The following FSHR variants were observed in gnomAD, a reference collection of about 807,000 sequenced individuals.
The protein encoded by FSHR is follicle stimulating hormone receptor.
Under a neutral mutation model 52.1 loss-of-function variants are expected in FSHR, and 46 were observed. That is an observed-to-expected ratio of 0.88 (90% CI 0.70 to 1.13). The LOEUF is 1.13. FSHR is among the 50% of genes most tolerant of loss of function. FSHR has a pLI of 0.00. For synonymous variants in FSHR, 399 were observed against 309.6 expected (o/e 1.29, Z -3.03); for missense variants, 964 against 834.6 (o/e 1.16, Z -1.91).
intron 2 of FSHR, among the ~76,000 whole-genome samples, chr2:49,030,354 C>A (rs1239541949): frequency 6.6e-6 from 1 of 151,566 alleles, no homozygotes; most frequent in African/African-American, 2.4e-5. Context: ...CACCACAGAG[C>A]ACCCCAAAAC....
At chr2:49,024,561 T>C (rs1012210232) in intron 2 of FSHR, among the ~76,000 whole-genome samples, 8 of 152,164 alleles carry the variant, frequency 5.3e-5, no homozygotes, top group East Asian at 1.9e-4. Flanking sequence ...GTAAATAATA[T>C]ATCCCTGAAA....
At chr2:49,095,568 A>C (rs1324993425) in intron 1 of FSHR, among the ~76,000 whole-genome samples, 1 of 152,210 alleles carries the variant, frequency 6.6e-6, no homozygotes, top group Non-Finnish European at 1.5e-5. Context: ...TGGATTAGTC[A>C]ATTGTTTCTT....
rs1667221688 is a variant in FSHR at position 49,010,301 on chromosome 2, T to C, written c.374+7188A>G. On this transcript the variant is annotated intron_variant, in intron 4 of 9. Coordinates refer to ENST00000406846, the MANE Select transcript of FSHR (RefSeq NM_000145.4). ...TTGAGATAATCATGTGGTTTTTGTC[T>C]TTGGCTCTGTTTATATGCTGGATTA... is the stretch of plus-strand genomic sequence containing the variant. Among the ~76,000 whole-genome samples the C allele has an allele frequency of 2.1e-5, 3 of 144,598 alleles. No individual in the cohort carries two copies. In the Admixed American group the frequency reaches 2.1e-4, roughly 10 times the overall value. The allele number at this position is 144,598 out of a possible 152,430, so 94.9% of individuals were successfully genotyped here.
Position 49,000,240 on chromosome 2 carries a change from T to C in FSHR, c.375-9603A>G, listed in dbSNP as rs929266403. Among the ~76,000 whole-genome samples, 5 of 152,106 alleles carry C rather than the reference T, an allele frequency of 3.3e-5. No individual in the cohort carries two copies. The South Asian group carries it at 8.3e-4, about 25-fold the overall frequency. On this transcript the variant is annotated intron_variant, in intron 4 of 9. Transcript: ENST00000406846. ...ACGCTAGGGTTGTAAATGATATCAG[T>C]CTCAAGGTCAGTTTCCTACCCCTAG...
chr2:49,056,445 A>AATATATAT (rs70946848), intron 2 of FSHR, among the ~76,000 whole-genome samples: 90 of 128,526 alleles, frequency 7.0e-4, no homozygotes, highest in South Asian at 1.2e-3. Context: ...TTACAATTGG[A>AATATATAT]ATATATATAT....
intron 2 of FSHR, among the ~76,000 whole-genome samples, chr2:49,035,130 G>T (rs1668233160): frequency 6.6e-6 from 1 of 152,148 alleles, no homozygotes; most frequent in Non-Finnish European, 1.5e-5. Flanking sequence ...TTTATATAAA[G>T]CATTGCTCTT....
At chr2:49,056,035 A>G (rs917743130) in intron 2 of FSHR, among the ~76,000 whole-genome samples, 1 of 152,050 alleles carries the variant, frequency 6.6e-6, no homozygotes, top group Non-Finnish European at 1.5e-5. Flanking sequence ...CACTACAGAA[A>G]ACCACCTAAT....
chr2:49,130,148 T>G (rs1366687506), intron 1 of FSHR, among the ~76,000 whole-genome samples: 1 of 152,170 alleles, frequency 6.6e-6, no homozygotes, highest in Non-Finnish European at 1.5e-5. Context: ...CTCAGTAGCT[T>G]TTTCTGAGAA....
chr2:49,028,880 A>G (rs1668002197), intron 2 of FSHR, among the ~76,000 whole-genome samples: 1 of 152,224 alleles, frequency 6.6e-6, no homozygotes, highest in Non-Finnish European at 1.5e-5. Flanking sequence ...GATGAGAAAG[A>G]AAGAAACTTG....
At chr2:49,121,524 T>C (rs2103780868) in intron 1 of FSHR, among the ~76,000 whole-genome samples, 1 of 152,338 alleles carries the variant, frequency 6.6e-6, no homozygotes, top group Middle Eastern at 3.4e-3. Context: ...AGTGGGTTAA[T>C]TGTTTATTAG....
intron 4 of FSHR, among the ~76,000 whole-genome samples, chr2:49,007,301 C>CT (rs1172085898): frequency 2.0e-5 from 3 of 152,116 alleles, no homozygotes; most frequent in African/African-American, 7.2e-5. Flanking sequence ...GACAAGTCAG[C>CT]TTACATCTCC....
At chr2:49,087,884 T>A (rs1488972662) in intron 1 of FSHR, among the ~76,000 whole-genome samples, 1 of 152,186 alleles carries the variant, frequency 6.6e-6, no homozygotes, top group Non-Finnish European at 1.5e-5. Context: ...TTTAATTATA[T>A]TGAGAGAGAG....
chr2:49,120,558 TG>T (rs1057120456), intron 1 of FSHR, among the ~76,000 whole-genome samples: 2 of 152,206 alleles, frequency 1.3e-5, no homozygotes, highest in African/African-American at 4.8e-5. Flanking sequence ...TGGAATTTGT[TG>T]GTGTAAGTTG....
intron 2 of FSHR, among the ~76,000 whole-genome samples, chr2:49,035,942 C>T (rs1002172597): frequency 1.2e-4 from 18 of 152,188 alleles, no homozygotes; most frequent in Non-Finnish European, 5.9e-5. Context: ...CATTTGAGGT[C>T]AACATCATTA....
chr2:49,106,600 C>T (rs1334958474), intron 1 of FSHR, among the ~76,000 whole-genome samples: 1 of 152,138 alleles, frequency 6.6e-6, no homozygotes, highest in Non-Finnish European at 1.5e-5. Context: ...TGTAAAGAGA[C>T]AGCTTATTAA....
At chr2:49,049,033 T>C (rs1232311799) in intron 2 of FSHR, among the ~76,000 whole-genome samples, 2 of 152,120 alleles carry the variant, frequency 1.3e-5, no homozygotes, top group Admixed American at 1.3e-4. Context: ...AGCTTACCTT[T>C]AGATTGCTTC....
At chr2:48,970,176 T>C (rs930499249) in intron 8 of FSHR, among the ~76,000 whole-genome samples, 3 of 152,206 alleles carry the variant, frequency 2.0e-5, no homozygotes, top group Admixed American at 1.3e-4. Context: ...TTGCTTTCAT[T>C]GTATAATTAT....
chr2:48,996,655 C>G (rs1220700697), intron 4 of FSHR, among the ~76,000 whole-genome samples: 1 of 151,966 alleles, frequency 6.6e-6, no homozygotes, highest in Non-Finnish European at 1.5e-5. Flanking sequence ...ATAGACCATG[C>G]AAAGGACACT....
intron 1 of FSHR, among the ~76,000 whole-genome samples, chr2:49,110,771 A>C (rs906084163): frequency 6.6e-6 from 1 of 152,162 alleles, no homozygotes; most frequent in Non-Finnish European, 1.5e-5. Flanking sequence ...TGCCCAGCCA[A>C]GGACAACATT....
Sources: allele counts gnomAD v4.1 joint callset (sites outside exome capture counted in the v4.1 genomes callset), GRCh38; gene constraint gnomAD v4.1.1; transcripts MANE v1.5; gene names NCBI Gene and HGNC (gene_info 2026-07-23, HGNC 2026-07-21).